Variants in FAT3 observed in about 807,000 individuals in gnomAD.
FAT3 encodes FAT atypical cadherin 3, also known as protocadherin Fat 3.
A neutral mutation model predicts 310.2 loss-of-function variants in FAT3; 95 were observed. The observed-to-expected ratio is 0.31, with a 90% CI of 0.26 to 0.36. FAT3 has a LOEUF of 0.36. FAT3 is among the 10% of genes least tolerant of loss of function. The probability of loss-of-function intolerance (pLI) is 1.00; values close to 1 mark genes in which losing one functional copy is unlikely to be tolerated. For missense variants in FAT3, 5,408 were observed against 5,715.6 expected, an observed-to-expected ratio of 0.95 and a Z score of 1.74; for synonymous variants, 2,314 against 2,192.9, an observed-to-expected ratio of 1.06 and a Z score of -1.54.
intron 3 of FAT3, among the ~76,000 whole-genome samples, chr11:92,582,362 G>T (rs1342212726): frequency 1.3e-5 from 2 of 151,830 alleles, no homozygotes; most frequent in East Asian, 3.9e-4. Flanking sequence ...AGTTGCTCTG[G>T]TTCACGTGCC....
intron 2 of FAT3, among the ~76,000 whole-genome samples, chr11:92,385,235 C>T (rs930398086): frequency 1.3e-5 from 2 of 152,190 alleles, no homozygotes; most frequent in East Asian, 3.8e-4. Flanking sequence ...TACGGTACAT[C>T]TTTAAATGCT....
chr11:92,402,820 C>A (rs1234574861), intron 2 of FAT3, among the ~76,000 whole-genome samples: 1 of 149,808 alleles, frequency 6.7e-6, no homozygotes, highest in Non-Finnish European at 1.5e-5. Flanking sequence ...TCAGGGAACA[C>A]CAAGCAGAAT....
rs150916153 is a variant in FAT3, at chr11:92,337,430, T to C, written c.-17-14666T>C. Among the ~76,000 whole-genome samples, 988 of 152,218 alleles carry C rather than the reference T, an allele frequency of 6.5e-3. 16 individuals are homozygous for C. Among genetic ancestry groups the C allele is most frequent in the African/African-American group, 0.022 (915 of 41,514 alleles). ...TTTGATCTGGAAAACAGTTTTTTTG[T>C]TTGTTTGTTTTTTGTTTTGAGATGG... On this transcript the variant is annotated intron_variant, in intron 1 of 27. Transcript: ENST00000525166.
chr11:92,854,907 A>G (rs1445720972), intron 19 of FAT3, among the ~76,000 whole-genome samples: 2 of 152,236 alleles, frequency 1.3e-5, no homozygotes, highest in Non-Finnish European at 2.9e-5. Context: ...ATAGAAGGGA[A>G]AGGGCATGTC....
intron 6 of FAT3, among the ~76,000 whole-genome samples, chr11:92,765,692 C>T (rs1454196973): frequency 6.6e-6 from 1 of 151,936 alleles, no homozygotes; most frequent in Non-Finnish European, 1.5e-5. Context: ...GGCTGAAGTG[C>T]AGCCCACAGA....
chr11:92,313,749 G>A (rs1485626190), intron 1 of FAT3, among the ~76,000 whole-genome samples: 1 of 152,120 alleles, frequency 6.6e-6, no homozygotes, highest in Non-Finnish European at 1.5e-5. Flanking sequence ...TAGTAGAGAC[G>A]GGGTTTCACC....
chr11:92,488,625 T>G (rs755983103), intron 2 of FAT3, among the ~76,000 whole-genome samples: 1 of 151,972 alleles, frequency 6.6e-6, no homozygotes, highest in African/African-American at 2.4e-5. Flanking sequence ...GTCCTCCCTA[T>G]ACTTTCAAGT....
intron 2 of FAT3, among the ~76,000 whole-genome samples, chr11:92,379,741 C>T (rs772134385): frequency 2.6e-5 from 4 of 152,062 alleles, no homozygotes; most frequent in Non-Finnish European, 5.9e-5. Flanking sequence ...GTGAAAAATC[C>T]ATCTTTTTAC....
chr11:92,597,809 G>C (rs1368830676), intron 3 of FAT3, among the ~76,000 whole-genome samples: 1 of 152,150 alleles, frequency 6.6e-6, no homozygotes, highest in Non-Finnish European at 1.5e-5. Flanking sequence ...AAATAGCAGA[G>C]TAGAAAAATG....
rs759188220 is a variant in FAT3 at position 92,352,865 on chromosome 11, G to A, written c.753G>A (p.Lys251=). The A allele has an allele frequency of 6.8e-6, 11 of 1,613,770 alleles. No individual in the cohort carries two copies. In the East Asian group the frequency reaches 1.8e-4, roughly 26 times the overall value. The change falls in exon 2 of 28, where the codon AAG becomes AAA. Residue 251 remains lysine, a synonymous_variant. Transcript: ENST00000525166. ...ACAATGGAGTGAGCAGTACTGCAAA[G>A]CTTTATGTTCACATTGAGCGCATAA... The part of the protein sequence containing the change: ...YGNNGVSSTA[K]LYVHIERINE...
rs898299684 is a variant in FAT3 at position 92,867,001 on chromosome 11, G to A, written c.11919G>A (p.Thr3973=). The part of the protein sequence containing the change: ...QADNIRSLTD[T]RVTQVLSGFQ... ...ATAACATCCGCAGCCTGACTGACAC[G>A]CGGGTCACGCAGGTGCTCAGCGGCT... Residue 3973 remains threonine, a synonymous_variant, in exon 22 of 28, where the codon ACG becomes ACA. Coordinates refer to ENST00000525166, the MANE Select transcript of FAT3 (RefSeq NM_001367949.2). 3.3e-5 allele frequency: 53 copies of A among 1,604,948 alleles called. No homozygotes were observed. Among genetic ancestry groups the A allele is most frequent in the Non-Finnish European group, 4.1e-5 (48 of 1,175,858 alleles).
At chr11:92,418,276 C>T (rs1347015972) in intron 2 of FAT3, among the ~76,000 whole-genome samples, 1 of 152,064 alleles carries the variant, frequency 6.6e-6, no homozygotes, top group Non-Finnish European at 1.5e-5. Context: ...GTAAATCCAT[C>T]ATTTAGTGAA....
chr11:92,261,303 T>C (rs1865544292), intron 1 of FAT3, among the ~76,000 whole-genome samples: 1 of 152,134 alleles, frequency 6.6e-6, no homozygotes, highest in Admixed American at 6.6e-5. Context: ...TTTAAAGATA[T>C]CTTTAAGCTA....
chr11:92,695,448 A>C (rs1329869537), intron 3 of FAT3, among the ~76,000 whole-genome samples: 2 of 152,076 alleles, frequency 1.3e-5, no homozygotes, highest in African/African-American at 4.8e-5. Flanking sequence ...AGCTCTTTAC[A>C]TCCAAGAGTG....
chr11:92,457,128 A>G (rs919673847), intron 2 of FAT3, among the ~76,000 whole-genome samples: 1 of 152,170 alleles, frequency 6.6e-6, no homozygotes, highest in Non-Finnish European at 1.5e-5. Flanking sequence ...AAGACCAGAA[A>G]GAGCCTCCAG....
At chr11:92,485,955 G>A (rs1161680653) in intron 2 of FAT3, among the ~76,000 whole-genome samples, 1 of 151,970 alleles carries the variant, frequency 6.6e-6, no homozygotes, top group Non-Finnish European at 1.5e-5. Context: ...TCTGCATGCA[G>A]GAAATAGAAA....
intron 1 of FAT3, among the ~76,000 whole-genome samples, chr11:92,228,560 A>C (rs7118371): frequency 0.093 from 14,125 of 152,230 alleles, 730 homozygotes; most frequent in African/African-American, 0.14. Flanking sequence ...GAATGACCTT[A>C]GCTAATCTGG....
In FAT3 at chr11:92,352,808, G is replaced by A. The variant is rs1224328820; in HGVS notation, c.696G>A (p.Leu232=). 5 of 1,613,754 alleles carry A rather than the reference G, an allele frequency of 3.1e-6. No individual in the cohort carries two copies. In the African/African-American group the frequency reaches 5.3e-5, roughly 17 times the overall value. The change falls in exon 2 of 28, where the codon TTG becomes TTA. Residue 232 remains leucine, a synonymous_variant. Transcript: ENST00000525166. The part of the protein sequence containing the change: ...DEKNRYDLEI[L]AVDRGMKLYG... Reference sequence around the variant, plus strand: ...AGAATAGGTATGATCTGGAAATTTTGGCTGTGGACCGGGGAATGAAACTGT... The same window carrying A: ...AGAATAGGTATGATCTGGAAATTTTAGCTGTGGACCGGGGAATGAAACTGT...
intron 3 of FAT3, among the ~76,000 whole-genome samples, chr11:92,542,566 A>G (rs1156262874): frequency 6.6e-6 from 1 of 152,050 alleles, no homozygotes; most frequent in Non-Finnish European, 1.5e-5. Flanking sequence ...AGACATACGA[A>G]TGGCCAACAG....
Sources: gnomAD v4.1 joint callset for allele counts (sites outside exome capture counted in the v4.1 genomes callset) on GRCh38, gnomAD v4.1.1 for gene constraint, MANE v1.5 for transcripts, NCBI Gene and HGNC (gene_info 2026-07-23, HGNC 2026-07-21) for gene names.